USP38: variants seen among roughly 807,000 people sequenced by gnomAD.
USP38 encodes the protein ubiquitin carboxyl-terminal hydrolase 38.
USP38 carries 49 observed loss-of-function variants against 94.3 expected under a neutral mutation model. The observed-to-expected ratio is 0.52, with a 90% CI of 0.41 to 0.66. The LOEUF is 0.66. Among genes scored for constraint, USP38 ranks in the 30% least tolerant of loss-of-function variants. The pLI is 0.00. For synonymous variants in USP38, 468 were observed against 463.6 expected (o/e 1.01, Z -0.12); for missense variants, 1,128 against 1,229.4 (o/e 0.92, Z 1.23).
intron 2 of USP38, 66 bp from the exon 3 acceptor site, chr4:143,195,650 T>C: frequency 2.0e-6 from 3 of 1,489,464 alleles, no homozygotes; most frequent in South Asian, 2.7e-5. Flanking sequence ...CTACTGTAAC[T>C]CTTGTTATCA....
intron 6 of USP38, 127 bp downstream of exon 6, chr4:143,206,353 T>C: frequency 1.2e-6 from 1 of 812,328 alleles, no homozygotes; most frequent in Non-Finnish European, 1.8e-6. Flanking sequence ...TTGATTGCCT[T>C]ATTCAGAAAT....
intron 7 of USP38, among the ~76,000 whole-genome samples, chr4:143,211,587 G>C (rs1256496076): frequency 6.6e-5 from 10 of 152,106 alleles, no homozygotes; most frequent in Non-Finnish European, 1.3e-4. Flanking sequence ...TTTCTTAACT[G>C]AGAACTTCAT....
At chr4:143,198,367 C>G (rs1731613660) in intron 4 of USP38, among the ~76,000 whole-genome samples, 1 of 152,194 alleles carries the variant, frequency 6.6e-6, no homozygotes, top group South Asian at 2.1e-4. Context: ...CACGTTAAGC[C>G]AGCTGAATCA....
chr4:143,205,015 C>T (rs1312445856), intron 5 of USP38, among the ~76,000 whole-genome samples: 1 of 152,170 alleles, frequency 6.6e-6, no homozygotes, highest in African/African-American at 2.4e-5. Flanking sequence ...CACTTTGACA[C>T]TTCAGAAGTA....
At chr4:143,195,660 A>G (rs1168524702) in intron 2 of USP38, 56 bp from the exon 3 acceptor site, 4 of 1,524,680 alleles carry the variant, frequency 2.6e-6, no homozygotes, top group Admixed American at 2.1e-5. Flanking sequence ...TCTTGTTATC[A>G]CTAACTAAAT....
chr4:143,191,262 A>G (rs913207686), intron 2 of USP38, among the ~76,000 whole-genome samples: 2 of 152,194 alleles, frequency 1.3e-5, no homozygotes, highest in Non-Finnish European at 2.9e-5. Flanking sequence ...CCAGGACCAA[A>G]CAGGTAACAT....
At chr4:143,209,406 A>C (rs1317727833) in intron 6 of USP38, among the ~76,000 whole-genome samples, 158 bp from the exon 7 acceptor site, 3 of 151,712 alleles carry the variant, frequency 2.0e-5, no homozygotes, top group Non-Finnish European at 1.5e-5. Flanking sequence ...TGGGAGGCCG[A>C]GGTGGGTGGA....
chr4:143,205,244 TCAA>T (rs1731827620), intron 5 of USP38, among the ~76,000 whole-genome samples: 4 of 152,186 alleles, frequency 2.6e-5, no homozygotes. Context: ...TTCTTAGCTG[TCAA>T]CAACAACAAA....
intron 2 of USP38, among the ~76,000 whole-genome samples, chr4:143,194,774 C>T (rs988126976): frequency 2.0e-5 from 3 of 152,312 alleles, no homozygotes; most frequent in Non-Finnish European, 2.9e-5. Flanking sequence ...TCCCAGAGTG[C>T]TGAGATTACA....
chr4:143,210,617 A>G (rs1227446952), intron 7 of USP38, among the ~76,000 whole-genome samples: 1 of 151,756 alleles, frequency 6.6e-6, no homozygotes, highest in Non-Finnish European at 1.5e-5. Flanking sequence ...ATGTTCAAAG[A>G]ACTTTTAGTT....
In USP38 at chr4:143,214,181, C is replaced by T. The variant is rs144283166; in HGVS notation, c.2205C>T (p.Asn735=). 98 of 1,613,432 alleles carry T rather than the reference C, an allele frequency of 6.1e-5. No homozygotes were observed. The African/African-American group carries it at 1.2e-3, about 20-fold the overall frequency. Reference sequence around the variant, plus strand: ...CTCCAGAGATTCTTACTGGTGATAACCAATATTATTGTGAAAACTGTGCCT... The same window carrying T: ...CTCCAGAGATTCTTACTGGTGATAATCAATATTATTGTGAAAACTGTGCCT... ...FLAPEILTGD[N]QYYCENCASL... is the part of the protein sequence containing the mutation. The change falls in exon 9 of 10, where the codon AAC becomes AAT. Residue 735 remains asparagine, a synonymous_variant. Coordinates refer to ENST00000307017, the MANE Select transcript of USP38 (RefSeq NM_032557.6).
At chr4:143,190,762 T>C (rs1158399334) in intron 2 of USP38, among the ~76,000 whole-genome samples, 1 of 152,088 alleles carries the variant, frequency 6.6e-6, no homozygotes, top group Non-Finnish European at 1.5e-5. Context: ...GTTTTTTAGT[T>C]GGTCTTTTTG....
At chr4:143,193,421 C>T (rs1489320721) in intron 2 of USP38, among the ~76,000 whole-genome samples, 3 of 152,012 alleles carry the variant, frequency 2.0e-5, no homozygotes, top group Admixed American at 6.6e-5. Flanking sequence ...CAGTGAATAC[C>T]CTCTGTACAC....
Position 143,185,797 on chromosome 4 carries a change from G to A in USP38, c.347G>A (p.Ser116Asn), listed in dbSNP as rs1204171875. Residue 116 changes from serine (S) to asparagine (N), a missense_variant, in exon 1 of 10, where the codon AGC becomes AAC. By Grantham distance (46) the Ser-to-Asn change is conservative. Transcript: ENST00000307017. ...YIHNGLKLIM[S>N]CPSVLDLFSL... ...CACAACGGCCTGAAGCTGATTATGA[G>A]CTGTCCGTCGGTGCTGGATCTCTTT... 1 of 1,614,214 alleles carries A rather than the reference G, an allele frequency of 6.2e-7. No homozygotes were observed. The highest frequency in any genetic ancestry group is 1.1e-5 in the South Asian group (1 of 91,082).
At chr4:143,215,708 T>G (rs1732167378) in intron 9 of USP38, 1 of 152,096 alleles carries the variant, frequency 6.6e-6, no homozygotes, top group African/African-American at 2.4e-5. Context: ...GAGTACATTT[T>G]GAAAATTCTG....
chr4:143,219,699 T>A (rs1200569656), intron 9 of USP38, among the ~76,000 whole-genome samples: 2 of 152,140 alleles, frequency 1.3e-5, no homozygotes, highest in Non-Finnish European at 2.9e-5. Context: ...CCAAATGAAT[T>A]TGCCATTATT....
At chr4:143,201,613 T>G (rs978780506) in intron 4 of USP38, among the ~76,000 whole-genome samples, 5 of 152,164 alleles carry the variant, frequency 3.3e-5, no homozygotes. Flanking sequence ...TAGAATATCT[T>G]AGGGCAAGCC....
intron 5 of USP38, chr4:143,204,512 C>G (rs1433294390): frequency 9.7e-6 from 4 of 412,328 alleles, no homozygotes; most frequent in South Asian, 5.3e-5. Flanking sequence ...GCCTCAGCCT[C>G]CCAAGTAGCT....
At chr4:143,193,487 T>A (rs1253891342) in intron 2 of USP38, among the ~76,000 whole-genome samples, 1 of 152,166 alleles carries the variant, frequency 6.6e-6, no homozygotes, top group Non-Finnish European at 1.5e-5. Context: ...GCCACAAAAT[T>A]TTATGAGAAT....
Sources: gnomAD v4.1 joint callset for allele counts (sites outside exome capture counted in the v4.1 genomes callset) on GRCh38, gnomAD v4.1.1 for gene constraint, MANE v1.5 for transcripts, NCBI Gene and HGNC (gene_info 2026-07-23, HGNC 2026-07-21) for gene names.